ZFHX3: variants seen among roughly 807,000 people sequenced by gnomAD.
ZFHX3 encodes the protein zinc finger homeobox protein 3.
Under a neutral mutation model 279.1 loss-of-function variants are expected in ZFHX3, and 42 were observed. The observed-to-expected ratio is 0.15, with a 90% CI of 0.12 to 0.19. ZFHX3 has a LOEUF of 0.19. ZFHX3 is among the 10% of genes least tolerant of loss of function. The pLI, the probability that ZFHX3 is intolerant of heterozygous loss-of-function variation, is 1.00. For missense variants in ZFHX3, 4,981 were observed against 4,754.0 expected (o/e 1.05, Z -1.40); for synonymous variants, 2,293 against 1,957.8 (o/e 1.17, Z -4.52).
At chr16:73,453,194 G>A (rs80296171) in intron 3 of ZFHX3, among the ~76,000 whole-genome samples, 16,298 of 152,266 alleles carry the variant, frequency 0.11, 945 homozygotes, top group South Asian at 0.25. Flanking sequence ...TGGGTTGTCG[G>A]TTGGCCCTCT....
intron 2 of ZFHX3, among the ~76,000 whole-genome samples, chr16:73,643,276 T>G (rs2052589891): frequency 6.6e-6 from 1 of 152,198 alleles, no homozygotes; most frequent in African/African-American, 2.4e-5. Flanking sequence ...AAAATAAAAT[T>G]GCAAATGAGA....
At chr16:72,800,398 C>A (rs567171334) in intron 7 of ZFHX3, among the ~76,000 whole-genome samples, 1 of 152,242 alleles carries the variant, frequency 6.6e-6, no homozygotes, top group South Asian at 2.1e-4. Flanking sequence ...AGAATTTTGA[C>A]TTTGATCACT....
At chr16:73,843,729 C>T (rs1961373307) in intron 1 of ZFHX3, among the ~76,000 whole-genome samples, 1 of 152,138 alleles carries the variant, frequency 6.6e-6, no homozygotes, top group East Asian at 1.9e-4. Flanking sequence ...GATTCCAAGT[C>T]AGCAGTCAGC....
At chr16:73,708,081 G>GC (rs903242698) in intron 1 of ZFHX3, among the ~76,000 whole-genome samples, 5 of 151,330 alleles carry the variant, frequency 3.3e-5, no homozygotes, top group South Asian at 4.2e-4. Flanking sequence ...GGGTGTGGTG[G>GC]GGGGGGGAAG....
At chr16:73,831,215 G>A (rs1360035829) in intron 1 of ZFHX3, among the ~76,000 whole-genome samples, 1 of 152,122 alleles carries the variant, frequency 6.6e-6, no homozygotes, top group African/African-American at 2.4e-5. Context: ...GATTTGAAAA[G>A]GGCAACAGAA....
intron 4 of ZFHX3, among the ~76,000 whole-genome samples, chr16:72,846,117 G>C (rs2037473592): frequency 6.6e-6 from 1 of 152,226 alleles, no homozygotes; most frequent in African/African-American, 2.4e-5. Flanking sequence ...ATGGGGCAGG[G>C]GCAGGAAGGA....
rs1056147670 is a variant in ZFHX3 at position 72,860,906 on chromosome 16, G to A, written c.3448+28825C>T. Among the ~76,000 whole-genome samples, 4 of 152,228 alleles carry A rather than the reference G, an allele frequency of 2.6e-5. No homozygotes were observed. In the South Asian group the frequency reaches 8.3e-4, roughly 31 times the overall value. On this transcript the variant is annotated intron_variant, in intron 4 of 9. Coordinates refer to ENST00000268489, the MANE Select transcript of ZFHX3 (RefSeq NM_006885.4). ...TCAAAAATTCATCCCTGGTCTGACA[G>A]TTAAAAATAATGCATTTATTTTTTG...
At chr16:73,568,743 C>T (rs1256852599) in intron 2 of ZFHX3, among the ~76,000 whole-genome samples, 1 of 152,170 alleles carries the variant, frequency 6.6e-6, no homozygotes, top group Non-Finnish European at 1.5e-5. Context: ...ATCGAGCTGG[C>T]TTCAGAGCTT....
In ZFHX3 at chr16:72,929,367, G is replaced by A. The variant is rs546751507; in HGVS notation, c.3216+21102C>T. ...CCCTTGCTTGGGGAGAGGTCCACCC[G>A]GGGGTGAGGGACTGGTGAAAGGGAT... is the stretch of plus-strand genomic sequence containing the variant. On this transcript the variant is annotated intron_variant, in intron 3 of 9. Coordinates refer to ENST00000268489, the MANE Select transcript of ZFHX3 (RefSeq NM_006885.4). Among the ~76,000 whole-genome samples the A allele has an allele frequency of 2.1e-4, 32 of 152,240 alleles. No homozygotes were observed. The South Asian group carries it at 6.0e-3, about 29-fold the overall frequency.
intron 3 of ZFHX3, chr16:73,421,053 A>C (rs1397039652): frequency 6.6e-6 from 1 of 152,210 alleles, no homozygotes; most frequent in African/African-American, 2.4e-5. Flanking sequence ...TACCTAATTA[A>C]ACTAATTCAA....
chr16:72,925,584 C>A (rs1006628825), intron 3 of ZFHX3, among the ~76,000 whole-genome samples: 7 of 152,244 alleles, frequency 4.6e-5, no homozygotes, highest in Admixed American at 4.6e-4. Context: ...GCAGCCCATA[C>A]CTGTGTCCAC....
At chr16:73,268,431 C>T (rs1053713714) in intron 4 of ZFHX3, among the ~76,000 whole-genome samples, 1 of 152,158 alleles carries the variant, frequency 6.6e-6, no homozygotes, top group Non-Finnish European at 1.5e-5. Context: ...ACGTCCCAGA[C>T]CCTACCCACA....
At position 73,009,518 on chromosome 16, in the gene ZFHX3, G is replaced by T. The variant is rs75777803; in HGVS notation, c.-50+38234C>A. On this transcript the variant is annotated intron_variant, in intron 1 of 9. Coordinates refer to ENST00000268489, the MANE Select transcript of ZFHX3 (RefSeq NM_006885.4). Reference sequence around the variant, plus strand: ...ATATGGATGAAAAATGAGTATACTAGCCTGAATATGGGAAAAAAATAGAAA... The same window carrying T: ...ATATGGATGAAAAATGAGTATACTATCCTGAATATGGGAAAAAAATAGAAA... 4.2e-3 allele frequency among the ~76,000 whole-genome samples: 632 copies of T among 151,984 alleles called. 17 individuals are homozygous for T. The highest frequency in any genetic ancestry group is 0.037 in the Admixed American group (561 of 15,258).
At chr16:73,383,850 T>C (rs1464662566) in intron 3 of ZFHX3, among the ~76,000 whole-genome samples, 1 of 152,202 alleles carries the variant, frequency 6.6e-6, no homozygotes, top group Admixed American at 6.5e-5. Context: ...AAAACAGCGG[T>C]GCCTCGTGCT....
chr16:73,452,493 C>T (rs1248973156), intron 3 of ZFHX3, among the ~76,000 whole-genome samples: 1 of 152,142 alleles, frequency 6.6e-6, no homozygotes, highest in Non-Finnish European at 1.5e-5. Flanking sequence ...GTAGTTAAAT[C>T]ATTTTCCATC....
intron 5 of ZFHX3, among the ~76,000 whole-genome samples, chr16:73,161,400 G>T (rs886190323): frequency 6.6e-6 from 1 of 152,154 alleles, no homozygotes; most frequent in Non-Finnish European, 1.5e-5. Context: ...GTCGCTCAAC[G>T]GTTATTGATC....
intron 2 of ZFHX3, among the ~76,000 whole-genome samples, chr16:73,458,001 G>C (rs1166539064): frequency 1.3e-5 from 2 of 152,092 alleles, no homozygotes; most frequent in Non-Finnish European, 2.9e-5. Flanking sequence ...CACTTTATAG[G>C]TGCTGGCTTC....
intron 3 of ZFHX3, among the ~76,000 whole-genome samples, chr16:73,343,552 C>T (rs1011137194): frequency 6.6e-6 from 1 of 152,128 alleles, no homozygotes; most frequent in Non-Finnish European, 1.5e-5. Context: ...TGGCAAGACC[C>T]CATCTCTCTA....
intron 3 of ZFHX3, among the ~76,000 whole-genome samples, chr16:72,892,771 G>A (rs1315241027): frequency 1.5e-4 from 23 of 152,208 alleles, no homozygotes; most frequent in Admixed American, 1.4e-3. Flanking sequence ...GTCTCCTAAA[G>A]TAGCTGGGAT....
Sources: gnomAD v4.1 joint callset for allele counts (sites outside exome capture counted in the v4.1 genomes callset) on GRCh38, gnomAD v4.1.1 for gene constraint, MANE v1.5 for transcripts, NCBI Gene and HGNC (gene_info 2026-07-23, HGNC 2026-07-21) for gene names.